AGBL4: variants seen among roughly 807,000 people sequenced by gnomAD.
AGBL4 encodes the protein cytosolic carboxypeptidase 6.
AGBL4 carries 58 observed loss-of-function variants against 66.4 expected under a neutral mutation model. That is an observed-to-expected ratio of 0.87 (90% confidence interval 0.71 to 1.09). AGBL4 has a LOEUF of 1.09. Ranked by LOEUF, AGBL4 falls within the 50% of genes least tolerant of loss-of-function variation. AGBL4 has a pLI of 0.00. For synonymous variants in AGBL4, 234 were observed against 222.9 expected, an observed-to-expected ratio of 1.05 and a Z score of -0.44; for missense variants, 579 against 631.0, an observed-to-expected ratio of 0.92 and a Z score of 0.88.
intron 5 of AGBL4, among the ~76,000 whole-genome samples, chr1:48,878,555 T>C (rs941739552): frequency 2.0e-5 from 3 of 152,166 alleles, no homozygotes; most frequent in African/African-American, 7.2e-5. Flanking sequence ...CTCCTGTCTT[T>C]CTTTATATAT....
intron 10 of AGBL4, among the ~76,000 whole-genome samples, chr1:48,588,652 G>A (rs1048911119): frequency 1.1e-5 from 1 of 88,512 alleles, no homozygotes; most frequent in South Asian, 4.0e-4. Flanking sequence ...GAAAGAAACA[G>A]AGAAGTGTGT....
chr1:49,085,366 C>T (rs911046362), intron 4 of AGBL4, among the ~76,000 whole-genome samples: 12 of 151,850 alleles, frequency 7.9e-5, no homozygotes, highest in African/African-American at 2.7e-4. Flanking sequence ...CACTTGGCTC[C>T]CCTGGTTCTC....
rs1249182619 is a variant in AGBL4 at position 48,649,606 on chromosome 1, T to C, written c.839+3731A>G. Among the ~76,000 whole-genome samples, 2 of 152,216 alleles carry C rather than the reference T, an allele frequency of 1.3e-5. 1 individual carries two copies. Among genetic ancestry groups the C allele is most frequent in the African/African-American group, 4.8e-5 (2 of 41,446 alleles). ...TTAACATAAAGAGCTTGATCTATCA[T>C]GGTATAGTGGCCATCTATTGCTATT... On this transcript the variant is annotated intron_variant, in intron 8 of 13. Transcript: ENST00000371839.
At chr1:49,500,144 T>G (rs1648002526) in intron 3 of AGBL4, among the ~76,000 whole-genome samples, 1 of 152,142 alleles carries the variant, frequency 6.6e-6, no homozygotes, top group African/African-American at 2.4e-5. Flanking sequence ...GAGCATTTTT[T>G]CATATGTTTG....
intron 5 of AGBL4, among the ~76,000 whole-genome samples, chr1:48,903,628 C>T (rs181189041): frequency 6.6e-6 from 1 of 152,334 alleles, no homozygotes; most frequent in East Asian, 1.9e-4. Flanking sequence ...CTGGACACTC[C>T]TTGTCTTTCA....
intron 3 of AGBL4, among the ~76,000 whole-genome samples, chr1:49,440,023 G>T (rs189283780): frequency 1.3e-5 from 2 of 150,184 alleles, no homozygotes; most frequent in Non-Finnish European, 3.0e-5. Context: ...GGTTTCTGGA[G>T]TTGGCTGCTT....
intron 4 of AGBL4, among the ~76,000 whole-genome samples, chr1:49,063,292 T>C (rs1394841509): frequency 6.6e-6 from 1 of 152,214 alleles, no homozygotes; most frequent in Non-Finnish European, 1.5e-5. Flanking sequence ...AGCTACAAAA[T>C]GCTTTCTTTA....
chr1:48,747,681 AGTTACG>A (rs1392082129), intron 6 of AGBL4, among the ~76,000 whole-genome samples: 1 of 152,244 alleles, frequency 6.6e-6, no homozygotes, highest in Non-Finnish European at 1.5e-5. Flanking sequence ...CATGACACAC[AGTTACG>A]GTCTTTGTAA....
intron 3 of AGBL4, among the ~76,000 whole-genome samples, chr1:49,575,269 A>T (rs1644413653): frequency 6.6e-6 from 1 of 152,158 alleles, no homozygotes; most frequent in Non-Finnish European, 1.5e-5. Context: ...TTTAGCTCTG[A>T]CTTACAGTGG....
chr1:49,326,764 T>C (rs1015165207), intron 3 of AGBL4, among the ~76,000 whole-genome samples: 1 of 152,122 alleles, frequency 6.6e-6, no homozygotes, highest in Non-Finnish European at 1.5e-5. Context: ...AAATAGAAAT[T>C]ACTGGAAAAA....
chr1:49,288,932 C>A (rs1644481571), intron 3 of AGBL4, among the ~76,000 whole-genome samples: 1 of 152,108 alleles, frequency 6.6e-6, no homozygotes, highest in African/African-American at 2.4e-5. Context: ...AAAGCCTCCA[C>A]ATTTTCCAAG....
chr1:49,523,522 G>C (rs1380871288), intron 3 of AGBL4, among the ~76,000 whole-genome samples: 1 of 152,012 alleles, frequency 6.6e-6, no homozygotes, highest in Non-Finnish European at 1.5e-5. Context: ...CAAAAAACTG[G>C]TATTTGTTTG....
At chr1:49,043,147 T>C (rs1342912401) in intron 5 of AGBL4, among the ~76,000 whole-genome samples, 2 of 152,218 alleles carry the variant, frequency 1.3e-5, no homozygotes, top group Non-Finnish European at 2.9e-5. Context: ...TGTTCAGTAA[T>C]ATACTGTTAA....
intron 4 of AGBL4, among the ~76,000 whole-genome samples, chr1:49,177,078 T>G (rs1646846134): frequency 6.6e-6 from 1 of 152,152 alleles, no homozygotes; most frequent in Non-Finnish European, 1.5e-5. Context: ...AGATCCCATT[T>G]TGATTATATC....
chr1:49,708,809 C>T (rs1647403994), intron 2 of AGBL4, among the ~76,000 whole-genome samples: 1 of 152,066 alleles, frequency 6.6e-6, no homozygotes, highest in East Asian at 1.9e-4. Flanking sequence ...ACAGTCAGGC[C>T]CCTATTCTGA....
intron 3 of AGBL4, among the ~76,000 whole-genome samples, chr1:49,251,133 G>T (rs934238761): frequency 3.9e-5 from 6 of 152,108 alleles, no homozygotes; most frequent in African/African-American, 1.4e-4. Context: ...GACAGTCTTG[G>T]GTTCCCTGGG....
intron 4 of AGBL4, among the ~76,000 whole-genome samples, chr1:49,078,889 C>T (rs527542152): frequency 3.3e-5 from 5 of 152,278 alleles, no homozygotes; most frequent in African/African-American, 1.2e-4. Flanking sequence ...TGTACATCTT[C>T]TAGTGGCTTT....
chr1:48,918,239 G>C (rs974913068), intron 5 of AGBL4, among the ~76,000 whole-genome samples: 8 of 152,226 alleles, frequency 5.3e-5, no homozygotes, highest in Non-Finnish European at 1.2e-4. Context: ...GGGAGATCCA[G>C]TTCCTTCATA....
chr1:49,752,436 G>C (rs1558222134), intron 2 of AGBL4, among the ~76,000 whole-genome samples: 1 of 152,158 alleles, frequency 6.6e-6, no homozygotes, highest in Non-Finnish European at 1.5e-5. Context: ...TGTGGTCTGA[G>C]AGACTGTTTC....
Sources: gnomAD v4.1 joint callset for allele counts (sites outside exome capture counted in the v4.1 genomes callset) on GRCh38, gnomAD v4.1.1 for gene constraint, MANE v1.5 for transcripts, NCBI Gene and HGNC (gene_info 2026-07-23, HGNC 2026-07-21) for gene names.